Variants in TBC1D12 observed in about 807,000 individuals in gnomAD.
TBC1D12 encodes TBC1 domain family, member 12.
TBC1D12 carries 56 observed loss-of-function variants against 86.7 expected under a neutral mutation model. That is an observed-to-expected ratio of 0.65 (90% CI 0.52 to 0.81). The LOEUF (loss-of-function observed/expected upper bound fraction) is 0.81, where lower values mean the gene tolerates loss of function less well. TBC1D12 is among the 30% of genes least tolerant of loss of function. The probability of loss-of-function intolerance (pLI) is 0.00; values close to 1 mark genes in which losing one functional copy is unlikely to be tolerated. For missense variants in TBC1D12, 1,023 were observed against 1,038.8 expected, an observed-to-expected ratio of 0.98 and a Z score of 0.21; for synonymous variants, 421 against 411.7, an observed-to-expected ratio of 1.02 and a Z score of -0.27.
intron 2 of TBC1D12, among the ~76,000 whole-genome samples, chr10:94,459,318 G>A (rs1276137481): frequency 6.6e-6 from 1 of 152,146 alleles, no homozygotes; most frequent in Non-Finnish European, 1.5e-5. Flanking sequence ...GCTGATTGGT[G>A]CATTTACAAA....
intron 1 of TBC1D12, among the ~76,000 whole-genome samples, chr10:94,440,174 TC>T (rs2055358911): frequency 6.6e-6 from 1 of 151,970 alleles, no homozygotes; most frequent in Non-Finnish European, 1.5e-5. Context: ...CCTTTTCCTT[TC>T]TTTTTTTTTT....
At chr10:94,464,648 T>A (rs1477426709) in intron 2 of TBC1D12, among the ~76,000 whole-genome samples, 3 of 152,160 alleles carry the variant, frequency 2.0e-5, no homozygotes, top group African/African-American at 7.2e-5. Flanking sequence ...AAATTTTTTT[T>A]ATAGAGACGG....
At chr10:94,525,028 C>A (rs1842250137) in intron 11 of TBC1D12, among the ~76,000 whole-genome samples, 1 of 151,938 alleles carries the variant, frequency 6.6e-6, no homozygotes, top group South Asian at 2.1e-4. Flanking sequence ...GAGTACCATA[C>A]CTAATATTTC....
chr10:94,528,095 T>C (rs1426256767), intron 11 of TBC1D12, among the ~76,000 whole-genome samples: 3 of 152,096 alleles, frequency 2.0e-5, no homozygotes, highest in Non-Finnish European at 1.5e-5. Context: ...TTTAGGATGG[T>C]TTTTTTATTT....
Position 94,493,453 on chromosome 10 carries a change from A to G in TBC1D12, c.1294+6A>G, listed in dbSNP as rs1289830602. ...GGCTGAGGCTAAAAAACGAGGTATA[A>G]AATTTAACTCCAAATGGTATAATTT... On this transcript the variant is annotated splice_donor_region_variant and intron_variant, in intron 4 of 12. Coordinates refer to ENST00000225235, the MANE Select transcript of TBC1D12 (RefSeq NM_015188.2). 6.3e-7 allele frequency: 1 copy of G among 1,597,948 alleles called. No individual in the cohort carries two copies. Among genetic ancestry groups the G allele is most frequent in the Admixed American group, 1.7e-5 (1 of 58,910 alleles).
intron 9 of TBC1D12, among the ~76,000 whole-genome samples, chr10:94,517,919 G>A (rs1842042138): frequency 6.6e-6 from 1 of 152,164 alleles, no homozygotes; most frequent in South Asian, 2.1e-4. Flanking sequence ...TTGGGAGGCC[G>A]AGGCAGGTGG....
intron 2 of TBC1D12, among the ~76,000 whole-genome samples, chr10:94,465,718 A>ATG (rs2055800305): frequency 3.9e-5 from 4 of 103,676 alleles, no homozygotes; most frequent in Non-Finnish European, 8.7e-5. Flanking sequence ...GTATACGTAT[A>ATG]CATACATACA....
At chr10:94,437,581 C>T (rs1396240283) in intron 1 of TBC1D12, among the ~76,000 whole-genome samples, 1 of 152,148 alleles carries the variant, frequency 6.6e-6, no homozygotes, top group African/African-American at 2.4e-5. Flanking sequence ...TTGCCTTGGC[C>T]TCCCAAAGTG....
At position 94,403,561 on chromosome 10, in the gene TBC1D12, C is replaced by T. The variant is rs1263342571; in HGVS notation, c.948C>T (p.Gly316=). Residue 316 remains glycine, a synonymous_variant, in exon 1 of 13, where the codon GGC becomes GGT. Transcript: ENST00000225235. ...CTTCGGCCCGGGCTCGACGGAGTGG[C>T]GGCTTCGCGGACTTCTTCACCAGGT... ...AGASARARRS[G]GFADFFTRNL... is the part of the protein sequence containing the mutation. The T allele has an allele frequency of 2.0e-6, 3 of 1,479,138 alleles. No individual in the cohort carries two copies. Among genetic ancestry groups the T allele is most frequent in the Non-Finnish European group, 2.7e-6 (3 of 1,125,318 alleles). The allele number at this position is 1,479,138 out of a possible 1,614,324, so 91.6% of individuals were successfully genotyped here.
At chr10:94,441,198 CTTGGTTATATA>C (rs1293790823) in intron 1 of TBC1D12, among the ~76,000 whole-genome samples, 1 of 151,214 alleles carries the variant, frequency 6.6e-6, no homozygotes. Context: ...TACTTTCTTC[CTTGGTTATATA>C]TTGACTCTTT....
chr10:94,431,365 A>T (rs1295748909), intron 1 of TBC1D12, among the ~76,000 whole-genome samples: 1 of 151,876 alleles, frequency 6.6e-6, no homozygotes, highest in Admixed American at 6.6e-5. Flanking sequence ...CAGTGAGCCA[A>T]GATTGCACCA....
intron 11 of TBC1D12, among the ~76,000 whole-genome samples, chr10:94,530,999 G>A (rs1474795938): frequency 6.6e-6 from 1 of 151,658 alleles, no homozygotes; most frequent in Admixed American, 6.6e-5. Flanking sequence ...AGCTGGGACT[G>A]TAGGTGTGTG....
intron 1 of TBC1D12, among the ~76,000 whole-genome samples, chr10:94,425,588 G>A (rs555641399): frequency 2.1e-4 from 32 of 151,162 alleles, no homozygotes; most frequent in Non-Finnish European, 3.4e-4. Context: ...TAGAACTCAC[G>A]TTTTTTTTTG....
intron 2 of TBC1D12, among the ~76,000 whole-genome samples, chr10:94,448,840 C>T (rs1490861275): frequency 6.6e-6 from 1 of 152,196 alleles, no homozygotes; most frequent in Admixed American, 6.5e-5. Flanking sequence ...TTTACCTCAT[C>T]TGTTATCACC....
chr10:94,427,524 C>T (rs2055162112), intron 1 of TBC1D12, among the ~76,000 whole-genome samples: 1 of 151,938 alleles, frequency 6.6e-6, no homozygotes, highest in South Asian at 2.1e-4. Context: ...TTGTTCTCTC[C>T]TGCTGCAAAA....
At chr10:94,500,690 C>T (rs2056384040) in intron 6 of TBC1D12, among the ~76,000 whole-genome samples, 1 of 152,074 alleles carries the variant, frequency 6.6e-6, no homozygotes, top group Non-Finnish European at 1.5e-5. Flanking sequence ...AACATAAATA[C>T]TGGAGGAAGG....
intron 9 of TBC1D12, among the ~76,000 whole-genome samples, chr10:94,511,873 C>T (rs902253521): frequency 2.0e-5 from 3 of 152,132 alleles, no homozygotes; most frequent in Non-Finnish European, 4.4e-5. Context: ...GAGATTTCAC[C>T]ATGCAATTTA....
chr10:94,446,333 T>C lies in TBC1D12; in HGVS notation c.1095+4314T>C, dbSNP rs147690064. Among the ~76,000 whole-genome samples, 175 of 152,302 alleles carry C rather than the reference T, an allele frequency of 1.1e-3. 1 individual carries two copies. Among genetic ancestry groups the C allele is most frequent in the African/African-American group, 4.0e-3 (167 of 41,578 alleles). On this transcript the variant is annotated intron_variant, in intron 2 of 12. Coordinates refer to ENST00000225235, the MANE Select transcript of TBC1D12 (RefSeq NM_015188.2). ...GAAGAATGTTAGGACACTTCTGTCA[T>C]GTTTTGGGATAGGTTCTTAAGCTGT... is the stretch of plus-strand genomic sequence containing the variant.
rs1410077721 is a variant in TBC1D12, at chr10:94,411,309, T to TA, written c.971+7727dup. On this transcript the variant is annotated intron_variant, in intron 1 of 12. Coordinates refer to ENST00000225235, the MANE Select transcript of TBC1D12 (RefSeq NM_015188.2). ...AATGGGGTAATAAGTACATTTTAGTTAATCAATTAACTGGAATTTAAGCCT... is the reference window on the plus strand; with the variant it reads ...AATGGGGTAATAAGTACATTTTAGTTAAATCAATTAACTGGAATTTAAGCCT... Among the ~76,000 whole-genome samples, 5 of 152,322 alleles carry TA rather than the reference T, an allele frequency of 3.3e-5. No individual in the cohort carries two copies. The South Asian group carries it at 1.0e-3, about 32-fold the overall frequency.
Sources: allele counts gnomAD v4.1 joint callset (sites outside exome capture counted in the v4.1 genomes callset), GRCh38; gene constraint gnomAD v4.1.1; transcripts MANE v1.5; gene names NCBI Gene and HGNC (gene_info 2026-07-23, HGNC 2026-07-21).